The following UBE2E1 variants were observed in gnomAD, a reference collection of about 807,000 sequenced individuals.
UBE2E1 encodes ubiquitin conjugating enzyme E2 E1, also known as ubiquitin-conjugating enzyme E2 E1.
UBE2E1 carries 6 observed loss-of-function variants against 21.4 expected under a neutral mutation model. That is an observed-to-expected ratio of 0.28 (90% CI 0.15 to 0.55). UBE2E1 has a LOEUF of 0.55. Among genes scored for constraint, UBE2E1 ranks in the 20% least tolerant of loss-of-function variants. UBE2E1 has a pLI of 0.93. For missense variants in UBE2E1, 142 were observed against 236.5 expected (o/e 0.60, Z 2.62); for synonymous variants, 87 against 82.7 (o/e 1.05, Z -0.28).
At chr3:23,867,534 A>G (rs563370841) in intron 3 of UBE2E1, among the ~76,000 whole-genome samples, 10 of 152,336 alleles carry the variant, frequency 6.6e-5, no homozygotes, top group Non-Finnish European at 1.2e-4. Flanking sequence ...CTTAGATAAC[A>G]GTTGGTATTT....
chr3:23,828,451 T>G (rs1699799564), intron 3 of UBE2E1, among the ~76,000 whole-genome samples: 1 of 152,238 alleles, frequency 6.6e-6, no homozygotes, highest in Admixed American at 6.5e-5. Flanking sequence ...GGTATTTAAA[T>G]CTATGAGAAA....
At chr3:23,884,381 C>G (rs1701127551) in intron 3 of UBE2E1, among the ~76,000 whole-genome samples, 1 of 152,178 alleles carries the variant, frequency 6.6e-6, no homozygotes, top group Non-Finnish European at 1.5e-5. Flanking sequence ...TGCAAACTAC[C>G]TGCTTAAAGG....
At chr3:23,888,688 T>C (rs180933497) in intron 4 of UBE2E1, among the ~76,000 whole-genome samples, 1 of 152,346 alleles carries the variant, frequency 6.6e-6, no homozygotes, top group East Asian at 1.9e-4. Flanking sequence ...CATTGTTTGC[T>C]AAGTATGTTG....
rs138312782 is a variant in UBE2E1 at position 23,852,501 on chromosome 3, G to A, written c.204-35066G>A. The stretch of plus-strand genomic sequence containing the variant: ...TTCAGCTTGTTTATTGGTCCTAAGA[G>A]CTTTTTAGTGGATTTGAGTTTTCTC... On this transcript the variant is annotated intron_variant, in intron 3 of 5. Transcript: ENST00000306627. Among the ~76,000 whole-genome samples the A allele has an allele frequency of 2.9e-3, 440 of 152,316 alleles. 2 individuals are homozygous for A. Among genetic ancestry groups the A allele is most frequent in the African/African-American group, 0.01 (422 of 41,564 alleles).
At chr3:23,828,599 TTTTA>T (rs1414778746) in intron 3 of UBE2E1, among the ~76,000 whole-genome samples, 1 of 152,108 alleles carries the variant, frequency 6.6e-6, no homozygotes, top group Non-Finnish European at 1.5e-5. Flanking sequence ...ACTTGAAAAA[TTTTA>T]TTTGACTCAA....
chr3:23,860,389 G>T (rs1384493369), intron 3 of UBE2E1, among the ~76,000 whole-genome samples: 1 of 152,156 alleles, frequency 6.6e-6, no homozygotes, highest in African/African-American at 2.4e-5. Flanking sequence ...GCTTTGTGGG[G>T]CTCATTGTTA....
rs1474955638 is a variant in UBE2E1 at position 23,870,206 on chromosome 3, G to C, written c.204-17361G>C. On this transcript the variant is annotated intron_variant, in intron 3 of 5. Transcript: ENST00000306627. This position sits in a 1 kb window ranked among gnomAD's most constrained non-coding sequence, Gnocchi z 4.2. ...TACTAGGCTTCTTATGTGATGTTTAGAGTTTCCAAGGCACATAGAAAGGGA... is the reference window on the plus strand; with the variant it reads ...TACTAGGCTTCTTATGTGATGTTTACAGTTTCCAAGGCACATAGAAAGGGA... 6.6e-6 allele frequency among the ~76,000 whole-genome samples: 1 copy of C among 152,096 alleles called. No individual in the cohort carries two copies. The highest frequency in any genetic ancestry group is 1.5e-5 in the Non-Finnish European group (1 of 68,016).
In UBE2E1 at chr3:23,855,400, GACTA is replaced by G. The variant is rs1178539417; in HGVS notation, c.204-32163_204-32160del. ...TTAATTTTAACCTTTAAAGTGAAAA[GACTA>G]ACTGTTGATTATTGGAAAGCAAAAA... On this transcript the variant is annotated intron_variant, in intron 3 of 5. Coordinates refer to ENST00000306627, the MANE Select transcript of UBE2E1 (RefSeq NM_003341.5). Among the ~76,000 whole-genome samples, 13 of 152,262 alleles carry G rather than the reference GACTA, an allele frequency of 8.5e-5. No individual in the cohort carries two copies. The East Asian group carries it at 2.3e-3, about 27-fold the overall frequency.
At chr3:23,883,523 CT>C (rs1214464515) in intron 3 of UBE2E1, among the ~76,000 whole-genome samples, 18 of 152,296 alleles carry the variant, frequency 1.2e-4, no homozygotes. Context: ...TTGTACGCCC[CT>C]GCATCAGAAT....
rs371922471 is a variant in UBE2E1, at chr3:23,890,490, C to T, written c.485-19C>T. ...GTTCTTTTCCTTTCTCCAAAGTAAT[C>T]TACATTCTTTTCTTCCAGCCGACCC... On this transcript the variant is annotated intron_variant, in intron 5 of 5. Transcript: ENST00000306627. 16 of 1,605,350 alleles carry T rather than the reference C, an allele frequency of 1.0e-5. No homozygotes were observed. In the African/African-American group the frequency reaches 1.7e-4, roughly 18 times the overall value.
At position 23,858,245 on chromosome 3, in the gene UBE2E1, G is replaced by GA. The variant is rs531280219; in HGVS notation, c.204-29315dup. ...TTTTATTTTGTTTTGCAAGGACATT[G>GA]AAAAAAAGTCATTGTTTACTGTCGT... On this transcript the variant is annotated intron_variant, in intron 3 of 5. Transcript: ENST00000306627. Among the ~76,000 whole-genome samples, 19 of 152,114 alleles carry GA rather than the reference G, an allele frequency of 1.2e-4. No individual in the cohort carries two copies. The South Asian group carries it at 3.5e-3, about 28-fold the overall frequency.
At chr3:23,838,949 T>G (rs1004933484) in intron 3 of UBE2E1, among the ~76,000 whole-genome samples, 2 of 151,958 alleles carry the variant, frequency 1.3e-5, no homozygotes, top group African/African-American at 4.8e-5. Context: ...TTTTTGTTTG[T>G]TTTTTAGTGG....
rs1553637728 is a variant in UBE2E1, at chr3:23,842,242, T to TGTGG, written c.203+30735_203+30736insGGTG. ...GTGTGTGTGTGTGTGTGTGTGTGTG[T>TGTGG]GTGTGTGGTGTTGTTGTTGTTGGCG... On this transcript the variant is annotated intron_variant, in intron 3 of 5. Coordinates refer to ENST00000306627, the MANE Select transcript of UBE2E1 (RefSeq NM_003341.5). The surrounding 1 kb of genome is among the most constrained non-coding windows in gnomAD (Gnocchi z 4.6). Among the ~76,000 whole-genome samples, 3 of 66,126 alleles carry TGTGG rather than the reference T, an allele frequency of 4.5e-5. No individual in the cohort carries two copies. The highest frequency in any genetic ancestry group is 9.8e-5 in the Non-Finnish European group (3 of 30,542). 43.4% of individuals were successfully genotyped at this position (66,126 alleles called of 152,430 possible).
At chr3:23,888,226 C>G (rs567456823) in intron 4 of UBE2E1, 14 of 457,070 alleles carry the variant, frequency 3.1e-5, no homozygotes, top group Admixed American at 2.3e-4. Flanking sequence ...GGTCTTGTTC[C>G]TTTACCTCCA....
chr3:23,889,528 C>CTTT (rs35718655), intron 5 of UBE2E1: 39 of 1,370,554 alleles, frequency 2.8e-5, no homozygotes, highest in Non-Finnish European at 3.3e-5. Context: ...ATTCTTCCTC[C>CTTT]TTTTTTTTTC....
rs142995088 is a variant in UBE2E1, at chr3:23,852,646, G to A, written c.204-34921G>A. On this transcript the variant is annotated intron_variant, in intron 3 of 5. Coordinates refer to ENST00000306627, the MANE Select transcript of UBE2E1 (RefSeq NM_003341.5). ...GTCTCACTTTGTCATCCAGACTGGA[G>A]TGCAGTGGTGCAATCTCAACTCAGT... 4.0e-3 allele frequency among the ~76,000 whole-genome samples: 607 copies of A among 152,260 alleles called. 3 individuals are homozygous for A. Among genetic ancestry groups the A allele is most frequent in the African/African-American group, 0.013 (553 of 41,550 alleles).
Position 23,877,932 on chromosome 3 carries a change from C to A in UBE2E1, c.204-9635C>A, listed in dbSNP as rs75699760. On this transcript the variant is annotated intron_variant, in intron 3 of 5. Transcript: ENST00000306627. ...AGTTTCTAATTCAGTTGATCCCAAGCCTCTGCCCTTTTTTGAAATACGCTG... is the reference window on the plus strand; with the variant it reads ...AGTTTCTAATTCAGTTGATCCCAAGACTCTGCCCTTTTTTGAAATACGCTG... 7.5e-3 allele frequency among the ~76,000 whole-genome samples: 1,145 copies of A among 152,266 alleles called. 13 individuals are homozygous for A. The highest frequency in any genetic ancestry group is 0.026 in the African/African-American group (1,073 of 41,540).
At chr3:23,856,691 T>C (rs1352366628) in intron 3 of UBE2E1, among the ~76,000 whole-genome samples, 1 of 152,196 alleles carries the variant, frequency 6.6e-6, no homozygotes, top group African/African-American at 2.4e-5. Context: ...TGTTGATTTG[T>C]TTCTGGGCCC....
intron 3 of UBE2E1, among the ~76,000 whole-genome samples, chr3:23,850,837 C>CTTTT (rs71057628): frequency 0.12 from 14,638 of 125,868 alleles, 956 homozygotes; most frequent in Non-Finnish European, 0.14. Flanking sequence ...CCACACCCAG[C>CTTTT]TTTTTTTTTT....
Sources: allele counts gnomAD v4.1 joint callset (sites outside exome capture counted in the v4.1 genomes callset), GRCh38; gene constraint gnomAD v4.1.1; non-coding constraint Gnocchi (gnomAD v3.1); transcripts MANE v1.5; gene names NCBI Gene and HGNC (gene_info 2026-07-23, HGNC 2026-07-21).